KAT6B: variants seen among roughly 807,000 people sequenced by gnomAD.
KAT6B encodes histone acetyltransferase KAT6B.
A neutral mutation model predicts 187.5 loss-of-function variants in KAT6B; 10 were observed. That is an observed-to-expected ratio of 0.05 (90% CI 0.03 to 0.09). The LOEUF is 0.09. Ranked by LOEUF, KAT6B falls within the 10% of genes least tolerant of loss-of-function variation. The pLI, the probability that KAT6B is intolerant of heterozygous loss-of-function variation, is 1.00. For synonymous variants in KAT6B, 861 were observed against 926.8 expected, an observed-to-expected ratio of 0.93 and a Z score of 1.29; for missense variants, 1,952 against 2,558.9, an observed-to-expected ratio of 0.76 and a Z score of 5.12.
chr10:75,025,892 G>A (rs1845793237), intron 17 of KAT6B: 1 of 153,924 alleles, frequency 6.5e-6, no homozygotes, highest in African/African-American at 2.4e-5. Flanking sequence ...AGATGTAGTG[G>A]TGTGCACCTG....
chr10:74,965,992 C>T (rs1382475100), intron 4 of KAT6B, among the ~76,000 whole-genome samples: 1 of 152,036 alleles, frequency 6.6e-6, no homozygotes, highest in Admixed American at 6.5e-5. Context: ...GCCTTGGCCT[C>T]CCAAAGTTCT....
At chr10:74,853,793 A>G (rs1842643778) in intron 3 of KAT6B, among the ~76,000 whole-genome samples, 1 of 149,940 alleles carries the variant, frequency 6.7e-6, no homozygotes, top group Non-Finnish European at 1.5e-5. Context: ...ACTCCTGGCT[A>G]ATTTTTTTGT....
chr10:74,931,473 C>T (rs949636611), intron 3 of KAT6B, among the ~76,000 whole-genome samples: 1 of 152,066 alleles, frequency 6.6e-6, no homozygotes, highest in Non-Finnish European at 1.5e-5. Flanking sequence ...GATTTTTGAT[C>T]CATCTATATA....
intron 3 of KAT6B, among the ~76,000 whole-genome samples, chr10:74,859,340 C>G (rs1022124970): frequency 6.6e-6 from 1 of 152,126 alleles, no homozygotes; most frequent in African/African-American, 2.4e-5. Context: ...CCACCTCAGC[C>G]TCCCAAAGTG....
chr10:74,858,719 C>G (rs1589488636), intron 3 of KAT6B, among the ~76,000 whole-genome samples: 1 of 152,062 alleles, frequency 6.6e-6, no homozygotes, highest in Non-Finnish European at 1.5e-5. Flanking sequence ...TTTTGGGAGG[C>G]CGAGGTGCAT....
intron 13 of KAT6B, among the ~76,000 whole-genome samples, chr10:75,010,555 G>A (rs1283795006): frequency 1.3e-5 from 2 of 152,134 alleles, no homozygotes; most frequent in Non-Finnish European, 2.9e-5. Context: ...AATTACAGCT[G>A]GTACATACAC....
intron 3 of KAT6B, among the ~76,000 whole-genome samples, chr10:74,894,091 T>C (rs1462425909): frequency 6.6e-6 from 1 of 152,184 alleles, no homozygotes; most frequent in Admixed American, 6.5e-5. Flanking sequence ...TTTTCTCTCT[T>C]TTTTCCCTTG....
chr10:74,871,329 A>T (rs974750685), intron 3 of KAT6B, among the ~76,000 whole-genome samples: 2 of 150,180 alleles, frequency 1.3e-5, no homozygotes, highest in East Asian at 3.9e-4. Flanking sequence ...AGTAACTGGG[A>T]TTACAGGCAC....
chr10:74,834,377 T>C (rs1841114614), intron 1 of KAT6B, among the ~76,000 whole-genome samples: 1 of 152,046 alleles, frequency 6.6e-6, no homozygotes, highest in South Asian at 2.1e-4. Flanking sequence ...TTTTGTATTT[T>C]AGTAGAGATG....
intron 3 of KAT6B, among the ~76,000 whole-genome samples, chr10:74,884,744 A>G (rs1418145401): frequency 6.6e-6 from 1 of 151,936 alleles, no homozygotes; most frequent in Non-Finnish European, 1.5e-5. Context: ...GATTTTTTGT[A>G]TTTTTAGTAG....
chr10:74,837,968 A>G (rs1841435485), intron 1 of KAT6B, among the ~76,000 whole-genome samples: 1 of 152,046 alleles, frequency 6.6e-6, no homozygotes, highest in Non-Finnish European at 1.5e-5. Flanking sequence ...TTGAGATTAA[A>G]TCGAGGAGTG....
intron 3 of KAT6B, among the ~76,000 whole-genome samples, chr10:74,880,929 TC>T (rs1844805929): frequency 1.6e-5 from 2 of 123,078 alleles, no homozygotes; most frequent in African/African-American, 9.9e-5. Context: ...TCTTACTCTC[TC>T]TTTTTTTTTT....
At position 75,029,157 on chromosome 10, in the gene KAT6B, C is replaced by T; in HGVS notation, c.4333C>T (p.Pro1445Ser). ...ESAEVEKEEL[P>S]RESFKEVLEN... ...TGCCGAAGTGGAGAAGGAAGAGCTG[C>T]CCAGAGAAAGCTTCAAAGAAGTACT... The change falls in exon 18 of 18, where the codon CCC (proline) becomes TCC (serine). Residue 1445 changes from proline to serine, a missense_variant. Transcript: ENST00000287239. This position sits in a 1 kb window ranked among gnomAD's most constrained non-coding sequence, Gnocchi z 6.2. 1 of 1,614,120 alleles carries T rather than the reference C, an allele frequency of 6.2e-7. No individual in the cohort carries two copies. The highest frequency in any genetic ancestry group is 1.1e-5 in the South Asian group (1 of 91,072).
At chr10:74,898,242 G>C (rs1391714991) in intron 3 of KAT6B, among the ~76,000 whole-genome samples, 1 of 152,192 alleles carries the variant, frequency 6.6e-6, no homozygotes, top group Non-Finnish European at 1.5e-5. Flanking sequence ...GAGGCAGTGT[G>C]GTGAGGGGAA....
At chr10:74,992,083 T>C (rs929682784) in intron 13 of KAT6B, among the ~76,000 whole-genome samples, 4 of 152,212 alleles carry the variant, frequency 2.6e-5, no homozygotes, top group African/African-American at 9.7e-5. Flanking sequence ...AAAGGACTTT[T>C]TAATGGTTAA....
At position 74,842,914 on chromosome 10, in the gene KAT6B, A is replaced by G. The variant is rs1841846693; in HGVS notation, c.57A>G (p.Lys19=). The G allele has an allele frequency of 3.7e-6, 6 of 1,614,240 alleles. No homozygotes were observed. Among genetic ancestry groups the G allele is most frequent in the Non-Finnish European group, 3.4e-6 (4 of 1,180,046 alleles). Residue 19 remains lysine (K), a synonymous_variant, in exon 3 of 18, where the codon AAA becomes AAG. Transcript: ENST00000287239. Reference sequence around the variant, plus strand: ...AGTGGATTCTTGAAGCTATACAGAAAATAAAAAAGCAAAAGCAAAGGCCCT... The same window carrying G: ...AGTGGATTCTTGAAGCTATACAGAAGATAAAAAAGCAAAAGCAAAGGCCCT... ...YTEWILEAIQ[K]IKKQKQRPSE...
At chr10:74,842,511 G>A (rs1841820224) in intron 2 of KAT6B, 89 bp from the exon 3 acceptor site, 1 of 528,310 alleles carries the variant, frequency 1.9e-6, no homozygotes, top group Middle Eastern at 4.9e-4. Context: ...TGGTCATTCT[G>A]TGTCTGAAAA....
At chr10:74,834,801 T>G (rs1213580877) in intron 1 of KAT6B, among the ~76,000 whole-genome samples, 2 of 152,240 alleles carry the variant, frequency 1.3e-5, no homozygotes, top group Non-Finnish European at 2.9e-5. Flanking sequence ...ATTAGAGGCA[T>G]GAGCCATTGT....
intron 3 of KAT6B, among the ~76,000 whole-genome samples, chr10:74,947,196 C>T (rs942816733): frequency 6.6e-6 from 1 of 152,122 alleles, no homozygotes; most frequent in South Asian, 2.1e-4. Flanking sequence ...GGGGTTTTGC[C>T]ATGTTGGCCA....
Sources: gnomAD v4.1 joint callset for allele counts (sites outside exome capture counted in the v4.1 genomes callset) on GRCh38, gnomAD v4.1.1 for gene constraint, Gnocchi (gnomAD v3.1) non-coding constraint, MANE v1.5 for transcripts, NCBI Gene and HGNC (gene_info 2026-07-23, HGNC 2026-07-21) for gene names.